Variants in NSD3 observed in about 807,000 individuals in gnomAD.
NSD3 encodes nuclear receptor binding SET domain protein 3.
In NSD3, 24 loss-of-function variants were observed where a neutral mutation model predicts 160.8. The ratio of observed to expected loss-of-function variants is 0.15; its 90% CI spans 0.11 to 0.21. The LOEUF is 0.21. Ranked by LOEUF, NSD3 falls within the 10% of genes least tolerant of loss-of-function variation. The probability of loss-of-function intolerance (pLI) is 1.00; values close to 1 mark genes in which losing one functional copy is unlikely to be tolerated. For missense variants in NSD3, 1,157 were observed against 1,735.9 expected (o/e 0.67, Z 5.93); for synonymous variants, 520 against 600.0 (o/e 0.87, Z 1.95).
In NSD3 at chr8:38,304,591, G is replaced by A; in HGVS notation, c.2607C>T (p.Ala869=). 2 of 1,610,002 alleles carry A rather than the reference G, an allele frequency of 1.2e-6. No homozygotes were observed. Among genetic ancestry groups the A allele is most frequent in the South Asian group, 1.1e-5 (1 of 90,058 alleles). ...AVNVGFCFVC[A]RGLIVQDHSD... is the part of the protein sequence containing the mutation. Reference sequence around the variant, plus strand: ...AGAGAAAAGTCAGACACTCACCTCTGGCACAAACGAAACAAAAGCCTACAT... The same window carrying A: ...AGAGAAAAGTCAGACACTCACCTCTAGCACAAACGAAACAAAAGCCTACAT... The change falls in exon 14 of 24, where the codon GCC becomes GCT. Residue 869 remains alanine (A), a synonymous_variant. Transcript: ENST00000317025.
chr8:38,311,027 G>A (rs1426079917), intron 12 of NSD3, among the ~76,000 whole-genome samples: 1 of 149,800 alleles, frequency 6.7e-6, no homozygotes, highest in Non-Finnish European at 1.5e-5. Context: ...CATTCTAATG[G>A]GTATCAAGTG....
rs1491285806 is a variant in NSD3, at chr8:38,270,407, CAT to C, written c.*5232_*5233del. ...CTCAAATGGGTACAAATGAGTTTCT[CAT>C]ATCAATTCCAAATATACACATACCC... On this transcript the variant is annotated 3_prime_UTR_variant, in exon 24 of 24. Transcript: ENST00000317025. 1.3e-5 allele frequency: 2 copies of C among 152,166 alleles called. No individual in the cohort carries two copies. The highest frequency in any genetic ancestry group is 1.3e-4 in the Admixed American group (2 of 15,272). The allele number at this position is 152,166 out of a possible 1,614,324, so 9.4% of individuals were successfully genotyped here.
chr8:38,274,788 T>A lies in NSD3; in HGVS notation c.*853A>T, dbSNP rs1808559135. On this transcript the variant is annotated 3_prime_UTR_variant, in exon 24 of 24. Transcript: ENST00000317025. ...CTTCATCCCCCTTTAGCTGCCTTAATCAGTGTCAGGAAAATAGGAGTGACC... is the reference window on the plus strand; with the variant it reads ...CTTCATCCCCCTTTAGCTGCCTTAAACAGTGTCAGGAAAATAGGAGTGACC... 6.0e-6 allele frequency: 1 copy of A among 166,704 alleles called. No homozygotes were observed. The highest frequency in any genetic ancestry group is 1.3e-5 in the Non-Finnish European group (1 of 76,334). The allele number at this position is 166,704 out of a possible 1,614,324, so 10.3% of individuals were successfully genotyped here. A position where few individuals can be genotyped will look rare whatever the true frequency, so the allele number is the denominator to read the frequency against.
intron 1 of NSD3, among the ~76,000 whole-genome samples, chr8:38,371,933 G>T (rs1811251230): frequency 6.6e-6 from 1 of 152,126 alleles, no homozygotes; most frequent in Non-Finnish European, 1.5e-5. Flanking sequence ...TATTCTTGAA[G>T]GCCAGGAAAG....
In NSD3 at chr8:38,318,810, A is replaced by T; in HGVS notation, c.1855+85T>A. On this transcript the variant is annotated intron_variant, in intron 9 of 23. Transcript: ENST00000317025. This position sits in a 1 kb window ranked among gnomAD's most constrained non-coding sequence, Gnocchi z 5.3. ...AAGAGCAACAACGATTTACAGAGAC[A>T]GACAAAAATACATGAAGTACAAATA... 1 of 1,320,956 alleles carries T rather than the reference A, an allele frequency of 7.6e-7. No homozygotes were observed. Among genetic ancestry groups the T allele is most frequent in the Non-Finnish European group, 1.1e-6 (1 of 924,054 alleles). The allele number at this position is 1,320,956 out of a possible 1,614,324, so 81.8% of individuals were successfully genotyped here.
chr8:38,293,052 C>T (rs564930755), intron 16 of NSD3, among the ~76,000 whole-genome samples: 4 of 148,442 alleles, frequency 2.7e-5, no homozygotes, highest in East Asian at 2.1e-4. Flanking sequence ...GCAACAGAAT[C>T]GCTTGAACCC....
intron 7 of NSD3, among the ~76,000 whole-genome samples, chr8:38,323,116 G>A (rs1012246879): frequency 1.3e-5 from 2 of 151,994 alleles, no homozygotes; most frequent in African/African-American, 2.4e-5. Flanking sequence ...GTGCAATGGC[G>A]CGATCTTGGC....
chr8:38,308,514 C>T (rs749458152), intron 12 of NSD3, among the ~76,000 whole-genome samples: 1 of 152,134 alleles, frequency 6.6e-6, no homozygotes, highest in Non-Finnish European at 1.5e-5. Flanking sequence ...AAACTACTCT[C>T]TGTAAAAATA....
chr8:38,376,119 A>G (rs1411584083), intron 1 of NSD3, among the ~76,000 whole-genome samples: 2 of 152,150 alleles, frequency 1.3e-5, no homozygotes, highest in Non-Finnish European at 2.9e-5. Flanking sequence ...GTCCTTTTCT[A>G]AGACCATGAT....
chr8:38,361,142 C>T (rs977079494), intron 1 of NSD3, among the ~76,000 whole-genome samples: 5 of 152,034 alleles, frequency 3.3e-5, no homozygotes, highest in Admixed American at 6.6e-5. Flanking sequence ...TACAGGCACG[C>T]GCCACCAAGC....
intron 3 of NSD3, 94 bp downstream of exon 3, chr8:38,338,442 G>A: frequency 9.9e-7 from 1 of 1,011,556 alleles, no homozygotes; most frequent in South Asian, 1.3e-5. Flanking sequence ...AAATTAAGAA[G>A]CGTAGTACCA....
intron 4 of NSD3, among the ~76,000 whole-genome samples, chr8:38,334,728 A>G (rs1213420202): frequency 6.6e-6 from 1 of 151,940 alleles, no homozygotes. Flanking sequence ...CTACTGCACT[A>G]CAGCCTGGGC....
intron 13 of NSD3, 133 bp from the exon 14 acceptor site, chr8:38,304,890 T>C (rs1197471252): frequency 1.1e-6 from 1 of 940,972 alleles, no homozygotes; most frequent in African/African-American, 1.7e-5. Context: ...TTTTCTTCCC[T>C]AGTCTGGCTC....
Position 38,329,236 on chromosome 8 carries a change from C to T in NSD3, c.1581+142G>A. 2 of 1,035,538 alleles carry T rather than the reference C, an allele frequency of 1.9e-6. No individual in the cohort carries two copies. Among genetic ancestry groups the T allele is most frequent in the Non-Finnish European group, 2.7e-6 (2 of 729,704 alleles). 64.1% of individuals were successfully genotyped at this position (1,035,538 alleles called of 1,614,324 possible). A position where few individuals can be genotyped will look rare whatever the true frequency, so the allele number is the denominator to read the frequency against. ...TAGCCTTTTTGCCTGTCTTTTTTGC[C>T]CACAGAGTACAATGACTGTATGTTT... is the stretch of plus-strand genomic sequence containing the variant. On this transcript the variant is annotated intron_variant, in intron 6 of 23. Coordinates refer to ENST00000317025, the MANE Select transcript of NSD3 (RefSeq NM_023034.2). The surrounding 1 kb of genome is among the most constrained non-coding windows in gnomAD (Gnocchi z 4.8).
chr8:38,381,148 A>C (rs1367064747), intron 1 of NSD3, among the ~76,000 whole-genome samples: 1 of 151,976 alleles, frequency 6.6e-6, no homozygotes, highest in Non-Finnish European at 1.5e-5. Flanking sequence ...TCCCACTCTG[A>C]CGCTAAGTCG....
At chr8:38,342,184 G>A (rs1189180982) in intron 2 of NSD3, among the ~76,000 whole-genome samples, 1 of 152,184 alleles carries the variant, frequency 6.6e-6, no homozygotes, top group East Asian at 1.9e-4. Flanking sequence ...ATATAAGTAA[G>A]AGAAGAAAAA....
intron 1 of NSD3, among the ~76,000 whole-genome samples, chr8:38,372,884 C>G (rs927913114): frequency 6.7e-6 from 1 of 148,744 alleles, no homozygotes; most frequent in Admixed American, 6.7e-5. Context: ...AACCCAGTCT[C>G]TACTAAAACT....
chr8:38,334,831 T>C (rs979468472), intron 4 of NSD3, among the ~76,000 whole-genome samples: 9 of 152,026 alleles, frequency 5.9e-5, no homozygotes, highest in African/African-American at 1.2e-4. Context: ...TTAAAACTAC[T>C]ATAGAAAAAT....
chr8:38,301,615 T>C (rs1016660148), intron 14 of NSD3, among the ~76,000 whole-genome samples: 18 of 152,218 alleles, frequency 1.2e-4, no homozygotes, highest in African/African-American at 4.3e-4. Context: ...AAATGAACTT[T>C]GTACATTTAA....
Sources: gnomAD v4.1 joint callset for allele counts (sites outside exome capture counted in the v4.1 genomes callset) on GRCh38, gnomAD v4.1.1 for gene constraint, Gnocchi (gnomAD v3.1) non-coding constraint, MANE v1.5 for transcripts, NCBI Gene and HGNC (gene_info 2026-07-23, HGNC 2026-07-21) for gene names.